Variants in TMC2 observed in about 807,000 individuals in gnomAD.
TMC2 encodes the protein transmembrane channel-like protein 2.
A neutral mutation model predicts 105.9 loss-of-function variants in TMC2; 102 were observed. The ratio of observed to expected loss-of-function variants is 0.96; its 90% CI spans 0.82 to 1.14. The LOEUF is 1.14. Among genes scored for constraint, TMC2 ranks in the 50% most tolerant of loss-of-function variants. The probability of loss-of-function intolerance (pLI) is 0.00; values close to 1 mark genes in which losing one functional copy is unlikely to be tolerated. For missense variants in TMC2, 1,093 were observed against 1,134.3 expected, an observed-to-expected ratio of 0.96 and a Z score of 0.52; for synonymous variants, 402 against 422.8, an observed-to-expected ratio of 0.95 and a Z score of 0.60.
intron 11 of TMC2, among the ~76,000 whole-genome samples, chr20:2,608,896 A>G (rs1288698674): frequency 1.3e-5 from 2 of 152,130 alleles, no homozygotes; most frequent in Admixed American, 6.6e-5. Flanking sequence ...GTGACTTTTT[A>G]TCCTTTGTTG....
At chr20:2,557,398 T>C (rs1234193287) in intron 2 of TMC2, among the ~76,000 whole-genome samples, 1 of 152,220 alleles carries the variant, frequency 6.6e-6, no homozygotes, top group Non-Finnish European at 1.5e-5. Flanking sequence ...TCTATTATAG[T>C]GTTTTTGGTT....
At chr20:2,561,764 G>T in intron 3 of TMC2, 94 bp from the exon 4 acceptor site, 2 of 1,434,072 alleles carry the variant, frequency 1.4e-6, no homozygotes, top group South Asian at 2.7e-5. Context: ...GGGAAGGGGT[G>T]CCATCTTCCA....
intron 17 of TMC2, among the ~76,000 whole-genome samples, chr20:2,635,296 C>T (rs970716976): frequency 6.6e-6 from 1 of 152,188 alleles, no homozygotes; most frequent in Non-Finnish European, 1.5e-5. Flanking sequence ...GAGCAGGAGG[C>T]TTCAGAGCAT....
At chr20:2,593,143 T>A (rs528605084) in intron 8 of TMC2, among the ~76,000 whole-genome samples, 24 of 152,108 alleles carry the variant, frequency 1.6e-4, no homozygotes, top group African/African-American at 5.3e-4. Flanking sequence ...GCAAGGCACT[T>A]CTTACATGGC....
In TMC2 at chr20:2,605,732, TC is replaced by T. The variant is rs377515330; in HGVS notation, c.1413+3432del. ...TTTCCATATTAGGAGGAGGGGAAAATCTCCCTAAATAGACCTCACCACCCCT... is the reference window on the plus strand; with the variant it reads ...TTTCCATATTAGGAGGAGGGGAAAATTCCCTAAATAGACCTCACCACCCCT... On this transcript the variant is annotated intron_variant, in intron 11 of 19. Transcript: ENST00000358864. Among the ~76,000 whole-genome samples the T allele has an allele frequency of 1.2e-3, 182 of 152,028 alleles. 3 individuals carry two copies. The highest frequency in any genetic ancestry group is 4.3e-3 in the African/African-American group (178 of 41,466).
chr20:2,607,908 T>C (rs2086405429), intron 11 of TMC2, among the ~76,000 whole-genome samples: 2 of 152,162 alleles, frequency 1.3e-5, no homozygotes, highest in African/African-American at 4.8e-5. Context: ...GTGGATCACC[T>C]GAAGTCAGGA....
rs1462771399 is a variant in TMC2, at chr20:2,641,831, C to A, written c.*480C>A. The stretch of plus-strand genomic sequence containing the variant: ...TCCAGGCCAGGCACAGTGGCTCACA[C>A]CTGTAGTCCCAGCACTTTGGGAGAC... On this transcript the variant is annotated 3_prime_UTR_variant, in exon 20 of 20. Transcript: ENST00000358864. 1 of 158,854 alleles carries A rather than the reference C, an allele frequency of 6.3e-6. No homozygotes were observed. The highest frequency in any genetic ancestry group is 1.8e-4 in the East Asian group (1 of 5,458). 9.8% of individuals were successfully genotyped at this position (158,854 alleles called of 1,614,324 possible). A position where few individuals can be genotyped will look rare whatever the true frequency, so the allele number is the denominator to read the frequency against.
At chr20:2,624,777 C>G (rs1030683333) in intron 17 of TMC2, among the ~76,000 whole-genome samples, 11 of 152,184 alleles carry the variant, frequency 7.2e-5, no homozygotes, top group Admixed American at 1.3e-4. Flanking sequence ...AGGGCACCAG[C>G]AAGTGCAAGT....
chr20:2,629,500 C>G (rs990411621), intron 17 of TMC2, among the ~76,000 whole-genome samples: 3 of 118,442 alleles, frequency 2.5e-5, no homozygotes, highest in African/African-American at 9.6e-5. Context: ...AGTGGAGTAA[C>G]TTTTCTAATT....
intron 18 of TMC2, among the ~76,000 whole-genome samples, chr20:2,637,055 T>C (rs2422809): frequency 0.75 from 114,086 of 152,024 alleles, 42,979 homozygotes; most frequent in East Asian, 0.87. Context: ...CTCCAATCAG[T>C]TGTGAGGACC....
intron 14 of TMC2, among the ~76,000 whole-genome samples, chr20:2,615,608 C>T (rs1473835234): frequency 6.6e-6 from 1 of 152,172 alleles, no homozygotes; most frequent in Admixed American, 6.5e-5. Context: ...ATGAACCAAG[C>T]TGGGTGCTTT....
intron 11 of TMC2, among the ~76,000 whole-genome samples, chr20:2,606,287 T>C (rs535968730): frequency 5.3e-5 from 8 of 152,270 alleles, no homozygotes; most frequent in African/African-American, 1.7e-4. Context: ...TGAGATGAAG[T>C]CTCGCTCTGT....
At chr20:2,612,638 G>A (rs375754175) in intron 13 of TMC2, among the ~76,000 whole-genome samples, 7 of 152,048 alleles carry the variant, frequency 4.6e-5, no homozygotes, top group African/African-American at 1.7e-4. Context: ...TTGTCCTTCA[G>A]TTTTTGGTCC....
intron 2 of TMC2, 35 bp downstream of exon 2, chr20:2,537,351 C>T (rs2085856981): frequency 1.3e-6 from 2 of 1,559,828 alleles, no homozygotes; most frequent in East Asian, 2.3e-5. Context: ...GGGGAGCCTG[C>T]AGTGCCTGGG....
intron 17 of TMC2, among the ~76,000 whole-genome samples, chr20:2,629,946 T>A (rs2086591622): frequency 6.6e-6 from 1 of 152,232 alleles, no homozygotes; most frequent in Non-Finnish European, 1.5e-5. Context: ...TGATAAGGAA[T>A]GTATTGTCTA....
At chr20:2,549,669 G>C (rs1467959229) in intron 2 of TMC2, among the ~76,000 whole-genome samples, 1 of 152,070 alleles carries the variant, frequency 6.6e-6, no homozygotes, top group Non-Finnish European at 1.5e-5. Flanking sequence ...CTTGAATTTG[G>C]GGGGCAGATG....
chr20:2,594,245 T>TTTTTTTTTTTTTTG (rs2086288850), intron 8 of TMC2, among the ~76,000 whole-genome samples: 1 of 149,348 alleles, frequency 6.7e-6, no homozygotes, highest in Admixed American at 6.7e-5. Flanking sequence ...TTTTTTTTTT[T>TTTTTTTTTTTTTTG]GAGACAGAGT....
rs554574395 is a variant in TMC2, at chr20:2,558,299, A to T, written c.83-157A>T. On this transcript the variant is annotated intron_variant, in intron 2 of 19. Transcript: ENST00000358864. The surrounding 1 kb of genome is among the most constrained non-coding windows in gnomAD (Gnocchi z 4.6). ...TTTCCTTCAGCTTAAAATACTCAACATGCCAAGGTGCCATACTTTGGGGTG... is the reference window on the plus strand; with the variant it reads ...TTTCCTTCAGCTTAAAATACTCAACTTGCCAAGGTGCCATACTTTGGGGTG... 1 of 1,443,794 alleles carries T rather than the reference A, an allele frequency of 6.9e-7. No homozygotes were observed. The highest frequency in any genetic ancestry group is 2.9e-5 in the Admixed American group (1 of 35,040). 89.4% of individuals were successfully genotyped at this position (1,443,794 alleles called of 1,614,324 possible).
chr20:2,621,561 C>T (rs186812076), intron 16 of TMC2, among the ~76,000 whole-genome samples: 15 of 151,572 alleles, frequency 9.9e-5, no homozygotes, highest in Non-Finnish European at 2.2e-4. Context: ...TCCAGCTACT[C>T]GCAAGGCTGA....
Sources: gnomAD v4.1 joint callset for allele counts (sites outside exome capture counted in the v4.1 genomes callset) on GRCh38, gnomAD v4.1.1 for gene constraint, Gnocchi (gnomAD v3.1) non-coding constraint, MANE v1.5 for transcripts, NCBI Gene and HGNC (gene_info 2026-07-23, HGNC 2026-07-21) for gene names.